FRRS1: variants seen among roughly 807,000 people sequenced by gnomAD.
FRRS1 encodes ferric chelate reductase 1, also known as ferric reductase 1.
A neutral mutation model predicts 70.7 loss-of-function variants in FRRS1; 51 were observed. The observed-to-expected ratio is 0.72, with a 90% CI of 0.58 to 0.91. The LOEUF is 0.91. FRRS1 is among the 40% of genes least tolerant of loss of function. The pLI is 0.00. For synonymous variants in FRRS1, 225 were observed against 238.7 expected, an observed-to-expected ratio of 0.94 and a Z score of 0.53; for missense variants, 672 against 726.0, an observed-to-expected ratio of 0.93 and a Z score of 0.86.
intron 9 of FRRS1, among the ~76,000 whole-genome samples, chr1:99,726,596 G>C (rs374488335): frequency 1.3e-5 from 2 of 152,320 alleles, no homozygotes; most frequent in Admixed American, 6.5e-5. Context: ...TATGCAACAA[G>C]TGATAGCTGC....
chr1:99,764,387 T>G (rs1489913679), intron 1 of FRRS1, among the ~76,000 whole-genome samples: 1 of 152,146 alleles, frequency 6.6e-6, no homozygotes, highest in Non-Finnish European at 1.5e-5. Context: ...TAATGTGCAT[T>G]TTTTTTAAAG....
intron 1 of FRRS1, among the ~76,000 whole-genome samples, chr1:99,756,201 A>T (rs1488522374): frequency 6.6e-6 from 1 of 152,284 alleles, no homozygotes; most frequent in East Asian, 1.9e-4. Flanking sequence ...TAATATTCCC[A>T]TTCTGTTGTC....
chr1:99,754,203 T>C (rs1379249554), intron 1 of FRRS1, among the ~76,000 whole-genome samples: 1 of 152,192 alleles, frequency 6.6e-6, no homozygotes, highest in Non-Finnish European at 1.5e-5. Context: ...CCATGGCTCA[T>C]GCCTATAATC....
intron 1 of FRRS1, among the ~76,000 whole-genome samples, chr1:99,758,102 G>A (rs559813186): frequency 6.6e-6 from 1 of 152,338 alleles, no homozygotes; most frequent in East Asian, 1.9e-4. Flanking sequence ...AAATGAGCAG[G>A]TAGGGGAATA....
intron 3 of FRRS1, 170 bp downstream of exon 3, chr1:99,748,403 C>A: frequency 1.7e-6 from 1 of 582,694 alleles, no homozygotes; most frequent in Non-Finnish European, 3.0e-6. Flanking sequence ...GGGGAATACA[C>A]AGACTACTTA....
chr1:99,725,056 G>C (rs1363420703), intron 9 of FRRS1, among the ~76,000 whole-genome samples: 1 of 152,164 alleles, frequency 6.6e-6, no homozygotes, highest in East Asian at 1.9e-4. Flanking sequence ...GTTTTGGGAT[G>C]AAACTGCTCC....
chr1:99,721,778 T>C (rs1654839641), intron 9 of FRRS1, among the ~76,000 whole-genome samples: 1 of 151,754 alleles, frequency 6.6e-6, no homozygotes, highest in Non-Finnish European at 1.5e-5. Flanking sequence ...TTTGTATTTT[T>C]AGTAGAGACG....
chr1:99,754,298 TA>T (rs1226039722), intron 1 of FRRS1, among the ~76,000 whole-genome samples: 1 of 152,106 alleles, frequency 6.6e-6, no homozygotes, highest in Non-Finnish European at 1.5e-5. Context: ...AGACTGTCTG[TA>T]AAAACAAACA....
At chr1:99,712,714 G>A (rs1654329557) in intron 12 of FRRS1, among the ~76,000 whole-genome samples, 199 bp from the exon 13 acceptor site, 1 of 152,056 alleles carries the variant, frequency 6.6e-6, no homozygotes, top group South Asian at 2.1e-4. Context: ...ACTAATTTTT[G>A]ACAACTACAA....
intron 5 of FRRS1, among the ~76,000 whole-genome samples, chr1:99,741,370 G>T (rs1406463105): frequency 6.6e-6 from 1 of 152,222 alleles, no homozygotes; most frequent in African/African-American, 2.4e-5. Flanking sequence ...TTTCACTGGG[G>T]TCACACCCCC....
intron 3 of FRRS1, chr1:99,747,699 A>G: frequency 3.2e-6 from 1 of 316,552 alleles, no homozygotes; most frequent in South Asian, 4.8e-5. Context: ...CCATAAGGCT[A>G]AGTTAGTTTG....
chr1:99,734,318 G>A (rs893914183), intron 7 of FRRS1, among the ~76,000 whole-genome samples: 1 of 152,162 alleles, frequency 6.6e-6, no homozygotes, highest in Non-Finnish European at 1.5e-5. Flanking sequence ...TGTGGTAATT[G>A]TAGGAGAATG....
chr1:99,712,410 C>G lies in FRRS1; in HGVS notation c.1421+8G>C. 1.3e-6 allele frequency: 2 copies of G among 1,569,986 alleles called. No individual in the cohort carries two copies. Among genetic ancestry groups the G allele is most frequent in the Non-Finnish European group, 1.7e-6 (2 of 1,147,972 alleles). ...AAGAGAGCATTTATATAGAAAGGCT[C>G]TAAGTACCTTGGGTCATGTAAAGGT... On this transcript the variant is annotated splice_region_variant and intron_variant, in intron 13 of 16. Coordinates refer to ENST00000646001, the MANE Select transcript of FRRS1 (RefSeq NM_001361041.2).
At chr1:99,755,754 G>T (rs190720723) in intron 1 of FRRS1, among the ~76,000 whole-genome samples, 1 of 152,092 alleles carries the variant, frequency 6.6e-6, no homozygotes, top group Non-Finnish European at 1.5e-5. Flanking sequence ...AAAATTTTAC[G>T]ATTTTAGAAA....
At chr1:99,749,435 CA>C (rs1656463253) in intron 1 of FRRS1, among the ~76,000 whole-genome samples, 1 of 152,086 alleles carries the variant, frequency 6.6e-6, no homozygotes, top group African/African-American at 2.4e-5. Context: ...TCAATAAAAG[CA>C]AAAGGTTTTA....
intron 11 of FRRS1, 33 bp downstream of exon 11, chr1:99,717,377 G>T: frequency 8.0e-7 from 1 of 1,249,366 alleles, no homozygotes; most frequent in South Asian, 1.2e-5. Context: ...CAAATACTAT[G>T]AATATTGCAT....
intron 10 of FRRS1, 79 bp downstream of exon 10, chr1:99,719,455 C>G: frequency 1.3e-6 from 1 of 744,542 alleles, no homozygotes; most frequent in Non-Finnish European, 2.4e-6. Flanking sequence ...CTACATTATA[C>G]CCACAGCCAT....
At chr1:99,721,389 TAAA>T (rs761285446) in intron 9 of FRRS1, among the ~76,000 whole-genome samples, 3 of 65,708 alleles carry the variant, frequency 4.6e-5, no homozygotes, top group Non-Finnish European at 6.5e-5. Flanking sequence ...TCCGTCTCAA[TAAA>T]AAAAAAAAAA....
intron 1 of FRRS1, among the ~76,000 whole-genome samples, chr1:99,750,910 T>G (rs1656540117): frequency 6.6e-6 from 1 of 152,194 alleles, no homozygotes; most frequent in Non-Finnish European, 1.5e-5. Context: ...TGATGGTTAA[T>G]TTATATGTCA....
Sources: allele counts gnomAD v4.1 joint callset (sites outside exome capture counted in the v4.1 genomes callset), GRCh38; gene constraint gnomAD v4.1.1; transcripts MANE v1.5; gene names NCBI Gene and HGNC (gene_info 2026-07-23, HGNC 2026-07-21).